Variants in USP34 observed in about 807,000 individuals in gnomAD.
USP34 encodes the protein ubiquitin specific peptidase 34, also known as ubiquitin carboxyl-terminal hydrolase 34.
In USP34, 70 loss-of-function variants were observed where a neutral mutation model predicts 460.3. The observed-to-expected ratio is 0.15, with a 90% CI of 0.13 to 0.19. USP34 has a LOEUF of 0.19. Among genes scored for constraint, USP34 ranks in the 10% least tolerant of loss-of-function variants. The pLI is 1.00. For missense variants in USP34, 3,985 were observed against 4,236.2 expected (o/e 0.94, Z 1.65); for synonymous variants, 1,647 against 1,405.3 (o/e 1.17, Z -3.85).
intron 1 of USP34, among the ~76,000 whole-genome samples, chr2:61,428,122 G>A (rs997004489): frequency 1.4e-5 from 2 of 145,132 alleles, no homozygotes; most frequent in Non-Finnish European, 1.5e-5. Flanking sequence ...CCAAGATTGC[G>A]CCACTGCCCT....
intron 3 of USP34, among the ~76,000 whole-genome samples, chr2:61,404,746 T>TGA (rs1406190270): frequency 6.6e-6 from 1 of 152,318 alleles, no homozygotes; most frequent in South Asian, 2.1e-4. Flanking sequence ...GAACTGCCTG[T>TGA]GAGAATCATG....
intron 1 of USP34, among the ~76,000 whole-genome samples, chr2:61,431,541 G>C (rs1694675201): frequency 6.6e-6 from 1 of 152,158 alleles, no homozygotes; most frequent in Admixed American, 6.6e-5. Context: ...GATTACTATA[G>C]TTAATAATCT....
At chr2:61,465,139 A>T (rs753526783) in intron 1 of USP34, among the ~76,000 whole-genome samples, 6 of 148,668 alleles carry the variant, frequency 4.0e-5, no homozygotes, top group Non-Finnish European at 6.0e-5. Flanking sequence ...GCCAAATATG[A>T]TTTTGAAATG....
At chr2:61,311,713 A>G (rs759733850) in intron 26 of USP34, 26 bp from the exon 27 acceptor site, 4 of 1,607,992 alleles carry the variant, frequency 2.5e-6, no homozygotes, top group Middle Eastern at 1.7e-4. Flanking sequence ...CAACCAATTT[A>G]AAAATACAAA....
intron 1 of USP34, among the ~76,000 whole-genome samples, chr2:61,440,770 G>T (rs1694941455): frequency 6.6e-6 from 1 of 151,446 alleles, no homozygotes; most frequent in African/African-American, 2.4e-5. Context: ...CGCCTGCCTT[G>T]GCCTCCCAAA....
At chr2:61,256,544 G>T in intron 47 of USP34, 66 bp from the exon 48 acceptor site, 6 of 1,257,970 alleles carry the variant, frequency 4.8e-6, no homozygotes, top group South Asian at 1.7e-5. Flanking sequence ...TACAAAAGGT[G>T]GCAATTACAA....
intron 34 of USP34, among the ~76,000 whole-genome samples, chr2:61,287,142 A>T (rs1041991011): frequency 6.6e-6 from 1 of 152,182 alleles, no homozygotes; most frequent in Non-Finnish European, 1.5e-5. Context: ...ACTGACAGAG[A>T]TCATTTTTCC....
intron 53 of USP34, among the ~76,000 whole-genome samples, chr2:61,237,745 A>ATT (rs1217415827): frequency 1.5e-5 from 2 of 132,860 alleles, no homozygotes; most frequent in African/African-American, 5.5e-5. Flanking sequence ...TTATTTTTGT[A>ATT]TTTTTTTTTT....
Position 61,203,190 on chromosome 2 carries a change from C to T in USP34, c.9458G>A (p.Cys3153Tyr). 2 of 1,601,088 alleles carry T rather than the reference C, an allele frequency of 1.2e-6. No individual in the cohort carries two copies. Among genetic ancestry groups the T allele is most frequent in the Non-Finnish European group, 1.7e-6 (2 of 1,173,926 alleles). The change falls in exon 75 of 80, where the codon TGC becomes TAC. Residue 3153 changes from cysteine to tyrosine, a missense_variant. This residue lies in a region of USP34 where 28 missense variants were observed against 36.8 expected (regional missense o/e 0.76). Transcript: ENST00000398571. ...FSYHQFIHLLCRVAINCEKFT... is the reference protein window; with the variant it reads ...FSYHQFIHLLYRVAINCEKFT... ...TTTTTCACAGTTGATTGCAACTCGG[C>T]ATAATAGATGGATGAACTGATGATA...
At chr2:61,285,074 C>G in intron 34 of USP34, 117 bp from the exon 35 acceptor site, 1 of 684,586 alleles carries the variant, frequency 1.5e-6, no homozygotes, top group Non-Finnish European at 2.4e-6. Flanking sequence ...ACCCAAAATT[C>G]CAAATTATTT....
Position 61,206,141 on chromosome 2 carries a change from A to G in USP34, c.9047-17T>C, listed in dbSNP as rs755558201. On this transcript the variant is annotated splice_polypyrimidine_tract_variant and intron_variant, in intron 71 of 79. Coordinates refer to ENST00000398571, the MANE Select transcript of USP34 (RefSeq NM_014709.4). ...GTTTCACATCTGCAAATATAAAAGC[A>G]CATATAAATATGCCATCTGAGATCA... 6.3e-7 allele frequency: 1 copy of G among 1,599,712 alleles called. No homozygotes were observed. Among genetic ancestry groups the G allele is most frequent in the Non-Finnish European group, 8.6e-7 (1 of 1,167,300 alleles).
At chr2:61,379,252 C>T (rs1182896896) in intron 7 of USP34, among the ~76,000 whole-genome samples, 1 of 152,172 alleles carries the variant, frequency 6.6e-6, no homozygotes, top group African/African-American at 2.4e-5. Context: ...GGTGGGGTGG[C>T]TCACGCCTGT....
At position 61,235,882 on chromosome 2, in the gene USP34, A is replaced by G. The variant is rs746786113; in HGVS notation, c.6995T>C (p.Leu2332Ser). Reference protein sequence around the residue: ...KPTMLQWIELLTKQFNNSQAA... With the variant: ...KPTMLQWIELSTKQFNNSQAA... ...CTGACTATTATTAAACTGTTTCGTCAACAGTTCAATCCACTGAAGCATCGT... is the reference window on the plus strand; with the variant it reads ...CTGACTATTATTAAACTGTTTCGTCGACAGTTCAATCCACTGAAGCATCGT... The change falls in exon 57 of 80, where the codon TTG becomes TCG. Residue 2332 changes from leucine to serine, a missense_variant. Leu to Ser is a moderately radical substitution (Grantham distance 145). This residue lies in a region of USP34 where 604 missense variants were observed against 684.8 expected (regional missense o/e 0.88). Coordinates refer to ENST00000398571, the MANE Select transcript of USP34 (RefSeq NM_014709.4). 1 of 1,613,896 alleles carries G rather than the reference A, an allele frequency of 6.2e-7. No homozygotes were observed. The highest frequency in any genetic ancestry group is 2.2e-5 in the East Asian group (1 of 44,854).
intron 10 of USP34, among the ~76,000 whole-genome samples, chr2:61,358,464 AAG>A (rs1466012881): frequency 2.6e-5 from 4 of 152,094 alleles, no homozygotes; most frequent in Non-Finnish European, 5.9e-5. Flanking sequence ...AGAAAACTAA[AAG>A]AGAAAAAAAA....
chr2:61,232,169 T>G (rs918975707), intron 58 of USP34, among the ~76,000 whole-genome samples: 2 of 152,126 alleles, frequency 1.3e-5, no homozygotes, highest in Non-Finnish European at 2.9e-5. Context: ...TCATAAAGCA[T>G]CTAATAATAA....
intron 1 of USP34, among the ~76,000 whole-genome samples, chr2:61,467,041 C>G (rs972426317): frequency 1.3e-5 from 2 of 152,066 alleles, no homozygotes; most frequent in Admixed American, 1.3e-4. Flanking sequence ...CGCGGTGGCT[C>G]ACGCCTGTAA....
rs755356033 is a variant in USP34, at chr2:61,380,355, T to C, written c.828A>G (p.Leu276=). Residue 276 remains leucine (L), a synonymous_variant, in exon 7 of 80, where the codon TTA becomes TTG. Coordinates refer to ENST00000398571, the MANE Select transcript of USP34 (RefSeq NM_014709.4). The part of the protein sequence containing the change: ...IPFRTYVIRY[L]CKLSDQELRQ... ...GTAACTCCTGATCCGAGAGCTTGCA[T>C]AAATACCTGAAATGATTCAGAAATA... 1.3e-4 allele frequency: 202 copies of C among 1,604,114 alleles called. No homozygotes were observed. The highest frequency in any genetic ancestry group is 1.5e-5 in the Non-Finnish European group (18 of 1,175,468).
intron 43 of USP34, among the ~76,000 whole-genome samples, chr2:61,260,641 T>G (rs537725856): frequency 6.6e-6 from 1 of 152,292 alleles, no homozygotes; most frequent in South Asian, 2.1e-4. Context: ...AATTATATAT[T>G]AAACTCAACA....
At chr2:61,383,423 G>T in intron 5 of USP34, 87 bp from the exon 6 acceptor site, 1 of 1,019,462 alleles carries the variant, frequency 9.8e-7, no homozygotes, top group Non-Finnish European at 1.4e-6. Context: ...CAAGAGCATT[G>T]GCCAGGCACG....
Sources: gnomAD v4.1 joint callset for allele counts (sites outside exome capture counted in the v4.1 genomes callset) on GRCh38, gnomAD v4.1.1 for gene constraint, gnomAD v4.1.1 regional missense constraint, MANE v1.5 for transcripts, NCBI Gene and HGNC (gene_info 2026-07-23, HGNC 2026-07-21) for gene names.